Variants in CNTN5 observed in about 807,000 individuals in gnomAD.
CNTN5 encodes the protein contactin 5.
A neutral mutation model predicts 129.1 loss-of-function variants in CNTN5; 77 were observed. That is an observed-to-expected ratio of 0.60 (90% confidence interval 0.50 to 0.72). CNTN5 has a LOEUF of 0.72. Ranked by LOEUF, CNTN5 falls within the 30% of genes least tolerant of loss-of-function variation. The pLI, the probability that CNTN5 is intolerant of heterozygous loss-of-function variation, is 0.00. For missense variants in CNTN5, 1,478 were observed against 1,328.8 expected, an observed-to-expected ratio of 1.11 and a Z score of -1.75; for synonymous variants, 509 against 465.6, an observed-to-expected ratio of 1.09 and a Z score of -1.20.
chr11:99,358,469 G>A (rs1938869625), intron 2 of CNTN5, among the ~76,000 whole-genome samples: 1 of 150,878 alleles, frequency 6.6e-6, no homozygotes, highest in South Asian at 2.1e-4. Context: ...CCTGAGGCAG[G>A]GGAATCTCTT....
At chr11:99,387,611 G>A (rs957439724) in intron 2 of CNTN5, among the ~76,000 whole-genome samples, 1 of 152,028 alleles carries the variant, frequency 6.6e-6, no homozygotes, top group Non-Finnish European at 1.5e-5. Flanking sequence ...CATCCACTCA[G>A]TAGAAATACC....
rs755991 is a variant in CNTN5 at position 99,897,270 on chromosome 11, A to T, written c.578-18784A>T. Among the ~76,000 whole-genome samples, 88 of 152,314 alleles carry T rather than the reference A, an allele frequency of 5.8e-4. 1 individual carries two copies. The East Asian group carries it at 0.017, about 29-fold the overall frequency. ...ATAATTAAAAAATATTGCTAGAGGT[A>T]GATATTCGGATATGAGGAAACCAGA... On this transcript the variant is annotated intron_variant, in intron 6 of 24. Coordinates refer to ENST00000524871, the MANE Select transcript of CNTN5 (RefSeq NM_014361.4).
intron 7 of CNTN5, among the ~76,000 whole-genome samples, chr11:99,921,696 T>A (rs1353980411): frequency 6.6e-6 from 1 of 152,200 alleles, no homozygotes; most frequent in Non-Finnish European, 1.5e-5. Context: ...CTGCAGGTTT[T>A]GTTCACTGTT....
intron 1 of CNTN5, among the ~76,000 whole-genome samples, chr11:99,061,209 C>G (rs1016088355): frequency 1.3e-5 from 2 of 152,114 alleles, no homozygotes; most frequent in Admixed American, 6.6e-5. Flanking sequence ...GAGAGGGAAA[C>G]ACTTTGCATA....
intron 8 of CNTN5, among the ~76,000 whole-genome samples, chr11:99,966,482 C>A (rs997473672): frequency 1.3e-5 from 2 of 152,196 alleles, no homozygotes; most frequent in African/African-American, 2.4e-5. Context: ...ACAAAATGCA[C>A]TCAGAATGGT....
intron 3 of CNTN5, among the ~76,000 whole-genome samples, chr11:99,747,904 T>C (rs369733631): frequency 6.6e-6 from 1 of 152,202 alleles, no homozygotes; most frequent in Non-Finnish European, 1.5e-5. Context: ...TCTAATTGTT[T>C]GAGAGTTGTT....
chr11:99,701,413 C>A lies in CNTN5; in HGVS notation c.56-118131C>A, dbSNP rs370065024. On this transcript the variant is annotated intron_variant, in intron 3 of 24. Transcript: ENST00000524871. ...AATAGGTAATAGAATACAAGCTGGT[C>A]TTGTAGAATATGAAGAGAAGAGTTC... Among the ~76,000 whole-genome samples, 4 of 151,148 alleles carry A rather than the reference C, an allele frequency of 2.6e-5. No homozygotes were observed. In the South Asian group the frequency reaches 6.2e-4, roughly 24 times the overall value.
intron 1 of CNTN5, among the ~76,000 whole-genome samples, chr11:99,077,181 G>A (rs1259246790): frequency 6.9e-6 from 1 of 144,128 alleles, no homozygotes; most frequent in African/African-American, 2.7e-5. Flanking sequence ...TTTGGGATAT[G>A]TTGCACCCCT....
At chr11:99,601,499 C>A (rs760517731) in intron 3 of CNTN5, among the ~76,000 whole-genome samples, 1 of 152,158 alleles carries the variant, frequency 6.6e-6, no homozygotes, top group Non-Finnish European at 1.5e-5. Context: ...CTAGAAATAT[C>A]CCTTGAGAGT....
chr11:99,633,016 A>C (rs628310), intron 3 of CNTN5, among the ~76,000 whole-genome samples: 61,854 of 151,910 alleles, frequency 0.41, 13,788 homozygotes, highest in Non-Finnish European at 0.51. Context: ...CCCTCTCCCT[A>C]AGTTAGTTCA....
At chr11:99,958,772 T>G (rs1295089271) in intron 8 of CNTN5, among the ~76,000 whole-genome samples, 1 of 152,304 alleles carries the variant, frequency 6.6e-6, no homozygotes, top group East Asian at 1.9e-4. Flanking sequence ...AAGACGTTAT[T>G]GCATTCTTAT....
chr11:100,076,267 T>C (rs10501943), intron 13 of CNTN5, among the ~76,000 whole-genome samples: 25,795 of 152,126 alleles, frequency 0.17, 2,250 homozygotes, highest in African/African-American at 0.18. Flanking sequence ...ACATTCTATC[T>C]GAAATGCATG....
intron 8 of CNTN5, among the ~76,000 whole-genome samples, chr11:99,999,316 A>T (rs910558020): frequency 4.6e-5 from 7 of 152,192 alleles, no homozygotes; most frequent in Admixed American, 1.3e-4. Flanking sequence ...ACAAGAAAAA[A>T]ACAAAGAACC....
At chr11:100,173,603 G>A (rs1461067328) in intron 13 of CNTN5, among the ~76,000 whole-genome samples, 4 of 152,084 alleles carry the variant, frequency 2.6e-5, no homozygotes, top group African/African-American at 7.2e-5. Context: ...GAACTTTCTA[G>A]GCTCCATGAG....
At chr11:99,364,377 A>C (rs1409574028) in intron 2 of CNTN5, among the ~76,000 whole-genome samples, 1 of 152,112 alleles carries the variant, frequency 6.6e-6, no homozygotes, top group Non-Finnish European at 1.5e-5. Flanking sequence ...CTTATCTAAC[A>C]TATATTTAGC....
intron 8 of CNTN5, among the ~76,000 whole-genome samples, chr11:99,978,256 TGAAA>T (rs1938118434): frequency 6.6e-6 from 1 of 152,232 alleles, no homozygotes; most frequent in Admixed American, 6.5e-5. Context: ...TGTGTCATAA[TGAAA>T]GAGTCAAAAA....
intron 8 of CNTN5, among the ~76,000 whole-genome samples, chr11:99,963,687 C>A (rs1480684333): frequency 6.6e-6 from 1 of 152,078 alleles, no homozygotes; most frequent in Non-Finnish European, 1.5e-5. Context: ...TTTTCCAATT[C>A]TGTGAAGAAA....
chr11:100,116,531 G>A (rs1185908026), intron 13 of CNTN5, among the ~76,000 whole-genome samples: 1 of 151,316 alleles, frequency 6.6e-6, no homozygotes, highest in Non-Finnish European at 1.5e-5. Context: ...ACTTTTTAAT[G>A]AACTTGGTTA....
chr11:99,877,255 G>A (rs1948657574), intron 6 of CNTN5, among the ~76,000 whole-genome samples: 1 of 152,108 alleles, frequency 6.6e-6, no homozygotes, highest in Non-Finnish European at 1.5e-5. Context: ...AACCCCGTAG[G>A]ATAAATAGTG....
Sources: gnomAD v4.1 joint callset for allele counts (sites outside exome capture counted in the v4.1 genomes callset) on GRCh38, gnomAD v4.1.1 for gene constraint, MANE v1.5 for transcripts, NCBI Gene and HGNC (gene_info 2026-07-23, HGNC 2026-07-21) for gene names.